The following JPH3 variants were observed in gnomAD, a reference collection of about 807,000 sequenced individuals.
JPH3 encodes junctophilin-3.
Under a neutral mutation model 59.6 loss-of-function variants are expected in JPH3, and 11 were observed. The observed-to-expected ratio is 0.18, with a 90% CI of 0.12 to 0.31. The LOEUF (loss-of-function observed/expected upper bound fraction) is 0.31, where lower values mean the gene tolerates loss of function less well. Ranked by LOEUF, JPH3 falls within the 10% of genes least tolerant of loss-of-function variation. The pLI is 1.00. For missense variants in JPH3, 1,202 were observed against 1,105.7 expected, an observed-to-expected ratio of 1.09 and a Z score of -1.24; for synonymous variants, 673 against 483.6, an observed-to-expected ratio of 1.39 and a Z score of -5.14.
At chr16:87,604,152 C>T (rs2030391479) in intron 1 of JPH3, 3 of 1,367,362 alleles carry the variant, frequency 2.2e-6, no homozygotes, top group African/African-American at 1.4e-5. Flanking sequence ...GGCCCATCTG[C>T]TCAGTGAGAG....
Position 87,644,536 on chromosome 16 carries a change from A to C in JPH3, c.661A>C (p.Ser221Arg), listed in dbSNP as rs1412582211. ...GGGGCTGTTTCGGCGCTCGCTGCTG[A>C]GTGGGCTGAAGCTGCGCAAGTCGGA... is the stretch of plus-strand genomic sequence containing the variant. Reference protein sequence around the residue: ...KKGLFRRSLLSGLKLRKSESK... With the variant: ...KKGLFRRSLLRGLKLRKSESK... Residue 221 changes from serine (S) to arginine (R), a missense_variant, in exon 2 of 5, where the codon AGT becomes CGT. Transcript: ENST00000284262. 6.2e-7 allele frequency: 1 copy of C among 1,612,660 alleles called. No homozygotes were observed. The highest frequency in any genetic ancestry group is 8.5e-7 in the Non-Finnish European group (1 of 1,179,836).
Position 87,691,658 on chromosome 16 carries a change from C to T in JPH3, c.2166+1132C>T, listed in dbSNP as rs532645818. Among the ~76,000 whole-genome samples the T allele has an allele frequency of 3.9e-4, 59 of 152,260 alleles. No individual in the cohort carries two copies. In the South Asian group the frequency reaches 6.8e-3, roughly 18 times the overall value. ...ACCCCTTTGAAGGGGCACGTCCTGC[C>T]GGGCGGCAATGCCTGTTTCTGCCTC... is the stretch of plus-strand genomic sequence containing the variant. On this transcript the variant is annotated intron_variant, in intron 4 of 4. Coordinates refer to ENST00000284262, the MANE Select transcript of JPH3 (RefSeq NM_020655.4).
chr16:87,687,271 A>G (rs577513593), intron 3 of JPH3, among the ~76,000 whole-genome samples: 43 of 152,136 alleles, frequency 2.8e-4, no homozygotes, highest in Non-Finnish European at 5.4e-4. Context: ...AGAGCCTCCA[A>G]GAGGGGAACA....
chr16:87,626,580 C>G (rs554045128), intron 1 of JPH3, among the ~76,000 whole-genome samples: 1 of 152,356 alleles, frequency 6.6e-6, no homozygotes, highest in African/African-American at 2.4e-5. Flanking sequence ...TGCCTGAGCC[C>G]GGTGCTCCAA....
At chr16:87,632,060 G>T (rs965076474) in intron 1 of JPH3, among the ~76,000 whole-genome samples, 2 of 152,030 alleles carry the variant, frequency 1.3e-5, no homozygotes, top group Non-Finnish European at 2.9e-5. Context: ...GAGGACCGTT[G>T]ACTGTTCATA....
Position 87,659,374 on chromosome 16 carries a change from C to CAAAAAAAAA in JPH3, c.1160+14343_1160+14351dup, listed in dbSNP as rs1354448370. On this transcript the variant is annotated intron_variant, in intron 2 of 4. Transcript: ENST00000284262. The stretch of plus-strand genomic sequence containing the variant: ...CCTGGGTGACAGAGTAAGACTGTCT[C>CAAAAAAAAA]AAAAAAAAAAAAGAAAAAAAAAAAG... Among the ~76,000 whole-genome samples, 24 of 74,534 alleles carry CAAAAAAAAA rather than the reference C, an allele frequency of 3.2e-4. 1 individual carries two copies. Among genetic ancestry groups the CAAAAAAAAA allele is most frequent in the East Asian group, 1.8e-3 (5 of 2,764 alleles). 48.9% of individuals were successfully genotyped at this position (74,534 alleles called of 152,430 possible). A position where few individuals can be genotyped will look rare whatever the true frequency, so the allele number is the denominator to read the frequency against.
intron 4 of JPH3, among the ~76,000 whole-genome samples, chr16:87,690,906 C>T (rs1418075082): frequency 6.6e-6 from 1 of 152,228 alleles, no homozygotes. Context: ...GTCCTGTGTC[C>T]TGGATAGGAA....
At chr16:87,612,493 C>T (rs768738063) in intron 1 of JPH3, among the ~76,000 whole-genome samples, 9 of 152,136 alleles carry the variant, frequency 5.9e-5, no homozygotes, top group East Asian at 1.9e-4. Context: ...TAACGTTCAG[C>T]GCAGGTTGAG....
chr16:87,645,150 A>C, intron 2 of JPH3, 115 bp downstream of exon 2: 1 of 1,076,710 alleles, frequency 9.3e-7, no homozygotes, highest in Non-Finnish European at 1.3e-6. Context: ...TTTGAGGCCT[A>C]CACTGGTGTT....
rs931263452 is a variant in JPH3 at position 87,613,369 on chromosome 16, A to G, written c.382+9841A>G. Among the ~76,000 whole-genome samples, 25 of 149,750 alleles carry G rather than the reference A, an allele frequency of 1.7e-4. No homozygotes were observed. The East Asian group carries it at 3.6e-3, about 21-fold the overall frequency. On this transcript the variant is annotated intron_variant, in intron 1 of 4. Coordinates refer to ENST00000284262, the MANE Select transcript of JPH3 (RefSeq NM_020655.4). ...CCGCCTCGGCCTCCCAAAGTGCTGG[A>G]ATTACAGGTAGCGTGAACTCAGCTC...
At chr16:87,668,926 C>T (rs1300102264) in intron 2 of JPH3, among the ~76,000 whole-genome samples, 1 of 152,160 alleles carries the variant, frequency 6.6e-6, no homozygotes, top group African/African-American at 2.4e-5. Context: ...ATCTCCTCTC[C>T]CTCGCCTCCA....
intron 1 of JPH3, among the ~76,000 whole-genome samples, chr16:87,634,951 T>C (rs2031686072): frequency 6.6e-6 from 1 of 152,202 alleles, no homozygotes; most frequent in Admixed American, 6.5e-5. Flanking sequence ...GTGGACACAG[T>C]AAGAGTGCTG....
chr16:87,643,268 C>T (rs902127679), intron 1 of JPH3, among the ~76,000 whole-genome samples: 1 of 152,252 alleles, frequency 6.6e-6, no homozygotes, highest in Non-Finnish European at 1.5e-5. Context: ...GGACGGACCG[C>T]ATGGCGTCTG....
intron 3 of JPH3, among the ~76,000 whole-genome samples, chr16:87,686,584 G>A (rs1426393346): frequency 6.6e-6 from 1 of 150,926 alleles, no homozygotes. Context: ...AGTCAGAGAT[G>A]CTTCCTGGAG....
At chr16:87,635,813 A>G (rs902390338) in intron 1 of JPH3, among the ~76,000 whole-genome samples, 3 of 152,168 alleles carry the variant, frequency 2.0e-5, no homozygotes, top group Non-Finnish European at 1.5e-5. Context: ...TGTTTGGGCC[A>G]TCGGTGGGTG....
intron 1 of JPH3, among the ~76,000 whole-genome samples, chr16:87,617,756 A>T (rs1004088540): frequency 6.6e-6 from 1 of 151,994 alleles, no homozygotes; most frequent in Non-Finnish European, 1.5e-5. Context: ...CACCTGTGAA[A>T]CATGCTCAGC....
chr16:87,653,076 G>C (rs868037008), intron 2 of JPH3, among the ~76,000 whole-genome samples: 2 of 152,136 alleles, frequency 1.3e-5, no homozygotes, highest in Non-Finnish European at 2.9e-5. Flanking sequence ...CTGCGGGGGG[G>C]ACTAGAATTC....
intron 1 of JPH3, among the ~76,000 whole-genome samples, chr16:87,622,740 C>A (rs1315958464): frequency 3.1e-5 from 3 of 95,928 alleles, no homozygotes; most frequent in African/African-American, 7.7e-5. Context: ...TAAATCAGAC[C>A]CCCCCCCGCC....
chr16:87,634,166 G>A (rs993741673), intron 1 of JPH3, among the ~76,000 whole-genome samples: 7 of 152,200 alleles, frequency 4.6e-5, no homozygotes, highest in East Asian at 1.9e-4. Context: ...TGTGAATGCC[G>A]TCTGTTGGCC....
Sources: allele counts gnomAD v4.1 joint callset (sites outside exome capture counted in the v4.1 genomes callset), GRCh38; gene constraint gnomAD v4.1.1; transcripts MANE v1.5; gene names NCBI Gene and HGNC (gene_info 2026-07-23, HGNC 2026-07-21).